Variants in FAT4 observed in about 807,000 individuals in gnomAD.
The protein encoded by FAT4 is FAT atypical cadherin 4.
Under a neutral mutation model 303.9 loss-of-function variants are expected in FAT4, and 84 were observed. That is an observed-to-expected ratio of 0.28 (90% confidence interval 0.23 to 0.33). FAT4 has a LOEUF of 0.33. FAT4 is among the 10% of genes least tolerant of loss of function. The pLI, the probability that FAT4 is intolerant of heterozygous loss-of-function variation, is 1.00. For synonymous variants in FAT4, 2,307 were observed against 2,298.8 expected (o/e 1.00, Z -0.10); for missense variants, 6,005 against 6,146.8 (o/e 0.98, Z 0.77).
intron 2 of FAT4, among the ~76,000 whole-genome samples, chr4:125,377,774 A>G (rs770139721): frequency 6.6e-6 from 1 of 152,100 alleles, no homozygotes; most frequent in Admixed American, 6.6e-5. Flanking sequence ...AAACCAAAAC[A>G]AAATTAGGAC....
At chr4:125,348,706 T>C (rs879359211) in intron 2 of FAT4, among the ~76,000 whole-genome samples, 2 of 151,752 alleles carry the variant, frequency 1.3e-5, no homozygotes, top group Non-Finnish European at 3.0e-5. Flanking sequence ...TAAGGCTGTC[T>C]GCATGGATAA....
chr4:125,368,000 T>C (rs1232228906), intron 2 of FAT4, among the ~76,000 whole-genome samples: 1 of 152,158 alleles, frequency 6.6e-6, no homozygotes, highest in African/African-American at 2.4e-5. Context: ...GTCCAGTTTT[T>C]TTCCCCCTTC....
chr4:125,431,848 C>T (rs1050521814), intron 7 of FAT4, among the ~76,000 whole-genome samples: 22 of 124,790 alleles, frequency 1.8e-4, no homozygotes, highest in African/African-American at 6.4e-4. Flanking sequence ...CACATATTCC[C>T]TAGGTAATTT....
intron 7 of FAT4, among the ~76,000 whole-genome samples, chr4:125,420,936 T>C (rs529795316): frequency 6.6e-6 from 1 of 152,322 alleles, no homozygotes; most frequent in Admixed American, 6.5e-5. Flanking sequence ...TTTTTGTTTG[T>C]TTGTTTGTTT....
intron 8 of FAT4, among the ~76,000 whole-genome samples, chr4:125,443,394 C>T (rs1297488072): frequency 1.3e-5 from 2 of 152,062 alleles, no homozygotes; most frequent in Admixed American, 6.6e-5. Flanking sequence ...GTACATTTTC[C>T]GTCTTCACTA....
chr4:125,433,439 A>C (rs1456281619), intron 7 of FAT4, among the ~76,000 whole-genome samples: 1 of 152,252 alleles, frequency 6.6e-6, no homozygotes, highest in African/African-American at 2.4e-5. Context: ...AAACACAACC[A>C]ACAGCAGATA....
chr4:125,379,067 T>G (rs545415584), intron 2 of FAT4, among the ~76,000 whole-genome samples: 2 of 152,256 alleles, frequency 1.3e-5, no homozygotes, highest in South Asian at 2.1e-4. Context: ...GTATAGTAAA[T>G]GGTTATTGGT....
intron 8 of FAT4, among the ~76,000 whole-genome samples, chr4:125,441,642 A>G (rs995771409): frequency 1.3e-5 from 2 of 152,346 alleles, no homozygotes; most frequent in Non-Finnish European, 2.9e-5. Flanking sequence ...TGGCAGAAGT[A>G]TGCATCAACA....
At chr4:125,466,120 C>T (rs900649554) in intron 11 of FAT4, among the ~76,000 whole-genome samples, 1 of 152,086 alleles carries the variant, frequency 6.6e-6, no homozygotes, top group Admixed American at 6.6e-5. Context: ...TTTTTCGATA[C>T]TTAGATTTTT....
Position 125,491,867 on chromosome 4 carries a change from A to G in FAT4, c.*99A>G. On this transcript the variant is annotated 3_prime_UTR_variant, in exon 18 of 18. Transcript: ENST00000394329. ...TTGGGTCACATTTGAAAAACAGGCC[A>G]GTATGGACTAGTGGTGGAGGGAAAA... 1.7e-6 allele frequency: 2 copies of G among 1,198,510 alleles called. No homozygotes were observed. The highest frequency in any genetic ancestry group is 2.6e-5 in the East Asian group (1 of 39,084). 74.2% of individuals were successfully genotyped at this position (1,198,510 alleles called of 1,614,324 possible).
intron 8 of FAT4, among the ~76,000 whole-genome samples, chr4:125,444,645 C>A (rs1364788391): frequency 2.2e-5 from 3 of 139,506 alleles, no homozygotes; most frequent in African/African-American, 8.1e-5. Flanking sequence ...TTGGCATATA[C>A]AAAACATCCA....
Position 125,452,203 on chromosome 4 carries a change from C to T in FAT4, c.11193C>T (p.His3731=), listed in dbSNP as rs1437132925. 6.2e-7 allele frequency: 1 copy of T among 1,614,228 alleles called. No homozygotes were observed. The highest frequency in any genetic ancestry group is 8.5e-7 in the Non-Finnish European group (1 of 1,180,046). ...CAGTAAAGGACTTCTTGACCAACCA[C>T]TATCTTCATTTTTTACGCATTGCCA... ...VPTVKDFLTN[H]YLHFLRIASS... is the part of the protein sequence containing the mutation. Residue 3731 remains histidine (H), a synonymous_variant, in exon 10 of 18, where the codon CAC becomes CAT. Transcript: ENST00000394329.
Position 125,491,620 on chromosome 4 carries a change from T to C in FAT4, c.14804T>C (p.Leu4935Pro). ...QQAGTFNWDNLLNWGPGFGHY... is the reference protein window; with the variant it reads ...QQAGTFNWDNPLNWGPGFGHY... Reference sequence around the variant, plus strand: ...GCAGGGACTTTCAACTGGGACAACCTTTTGAACTGGGGCCCTGGCTTTGGC... The same window carrying C: ...GCAGGGACTTTCAACTGGGACAACCCTTTGAACTGGGGCCCTGGCTTTGGC... Residue 4935 changes from leucine (L) to proline (P), a missense_variant, in exon 18 of 18, where the codon CTT (leucine) becomes CCT (proline). Coordinates refer to ENST00000394329, the MANE Select transcript of FAT4 (RefSeq NM_001291303.3). The C allele has an allele frequency of 6.2e-7, 1 of 1,614,150 alleles. No homozygotes were observed. The highest frequency in any genetic ancestry group is 1.7e-5 in the Admixed American group (1 of 60,028).
chr4:125,423,473 G>T (rs1481662911), intron 7 of FAT4, among the ~76,000 whole-genome samples: 3 of 152,196 alleles, frequency 2.0e-5, no homozygotes, highest in Admixed American at 2.0e-4. Context: ...ATGGTGTTGA[G>T]CCTGCAGGTG....
intron 11 of FAT4, among the ~76,000 whole-genome samples, chr4:125,466,389 A>T (rs907845393): frequency 6.6e-6 from 1 of 151,988 alleles, no homozygotes; most frequent in African/African-American, 2.4e-5. Context: ...TTATAGATTT[A>T]TTGAAGTTTA....
intron 3 of FAT4, among the ~76,000 whole-genome samples, chr4:125,403,859 G>A (rs1021118865): frequency 6.6e-6 from 1 of 152,124 alleles, no homozygotes; most frequent in Non-Finnish European, 1.5e-5. Flanking sequence ...TTGAGCAAAT[G>A]AGAGAGCTAT....
intron 3 of FAT4, among the ~76,000 whole-genome samples, chr4:125,402,711 A>T (rs1734435461): frequency 6.6e-6 from 1 of 151,994 alleles, no homozygotes; most frequent in Non-Finnish European, 1.5e-5. Context: ...GCTATGATGG[A>T]AAAGATGTAT....
chr4:125,406,490 G>A (rs1005826270), intron 3 of FAT4, among the ~76,000 whole-genome samples: 2 of 152,050 alleles, frequency 1.3e-5, no homozygotes, highest in African/African-American at 2.4e-5. Context: ...CTCCTTTGTG[G>A]TTTCGTATGA....
intron 7 of FAT4, among the ~76,000 whole-genome samples, chr4:125,429,224 G>A (rs1725200320): frequency 6.6e-6 from 1 of 152,174 alleles, no homozygotes; most frequent in Non-Finnish European, 1.5e-5. Context: ...ATTTCTAGAA[G>A]TGTTCAATTA....
Sources: allele counts gnomAD v4.1 joint callset (sites outside exome capture counted in the v4.1 genomes callset), GRCh38; gene constraint gnomAD v4.1.1; transcripts MANE v1.5; gene names NCBI Gene and HGNC (gene_info 2026-07-23, HGNC 2026-07-21).